BIN3: variants seen among roughly 807,000 people sequenced by gnomAD.
BIN3 encodes bridging integrator 3.
In BIN3, 41 loss-of-function variants were observed where a neutral mutation model predicts 38.2. The observed-to-expected ratio is 1.07, with a 90% CI of 0.84 to 1.39. The LOEUF (loss-of-function observed/expected upper bound fraction) is 1.39. Among genes scored for constraint, BIN3 ranks in the 40% most tolerant of loss-of-function variants. BIN3 has a pLI of 0.00. For missense variants in BIN3, 361 were observed against 324.3 expected (o/e 1.11, Z -0.87); for synonymous variants, 145 against 122.6 (o/e 1.18, Z -1.21).
In BIN3 at chr8:22,664,868, G is replaced by T. The variant is rs576224032; in HGVS notation, c.8+4176C>A. On this transcript the variant is annotated intron_variant, in intron 1 of 8. Transcript: ENST00000276416. Reference sequence around the variant, plus strand: ...TGTGAGACAGCAACGGTAATCATAGGGGAAAGGACTTCACTGAGAAAAAAA... The same window carrying T: ...TGTGAGACAGCAACGGTAATCATAGTGGAAAGGACTTCACTGAGAAAAAAA... 1.6e-4 allele frequency among the ~76,000 whole-genome samples: 25 copies of T among 152,296 alleles called. No individual in the cohort carries two copies. In the South Asian group the frequency reaches 4.8e-3, roughly 29 times the overall value.
chr8:22,659,572 T>C (rs1213744061), intron 1 of BIN3, among the ~76,000 whole-genome samples: 3 of 152,214 alleles, frequency 2.0e-5, no homozygotes, highest in African/African-American at 4.8e-5. Context: ...ATTGAGCATC[T>C]ACTATTGCCA....
At chr8:22,622,475 C>G (rs11136093) in intron 8 of BIN3, 39,123 of 152,412 alleles carry the variant, frequency 0.26, 5,629 homozygotes, top group South Asian at 0.36. Context: ...TCTGGGCTGG[C>G]GGCGGCCCAC....
intron 5 of BIN3, among the ~76,000 whole-genome samples, 172 bp downstream of exon 5, chr8:22,630,270 G>C (rs1427435110): frequency 6.6e-6 from 1 of 152,208 alleles, no homozygotes; most frequent in Non-Finnish European, 1.5e-5. Context: ...AGCCAAGGCA[G>C]AACAGTCTGG....
chr8:22,649,736 T>A (rs1343067003), intron 1 of BIN3, among the ~76,000 whole-genome samples: 1 of 151,282 alleles, frequency 6.6e-6, no homozygotes, highest in Non-Finnish European at 1.5e-5. Flanking sequence ...AAAAACACCC[T>A]TGTTTTTTTC....
rs577791962 is a variant in BIN3 at position 22,629,532 on chromosome 8, C to T, written c.338+432G>A. On this transcript the variant is annotated intron_variant, in intron 6 of 8. Coordinates refer to ENST00000276416, the MANE Select transcript of BIN3 (RefSeq NM_018688.6). ...CCCTCCCTGTGTGCGGCCACCCCCA[C>T]GTTTCCAGAGCCGAGTGCTGCAGGC... Among the ~76,000 whole-genome samples the T allele has an allele frequency of 6.6e-5, 10 of 152,354 alleles. No homozygotes were observed. The East Asian group carries it at 7.7e-4, about 12-fold the overall frequency.
intron 4 of BIN3, among the ~76,000 whole-genome samples, chr8:22,631,890 A>G (rs1302531808): frequency 6.6e-6 from 1 of 152,210 alleles, no homozygotes. Flanking sequence ...TCAGGCCTCC[A>G]TTATTTCTAG....
At chr8:22,624,181 G>A in intron 7 of BIN3, 41 bp downstream of exon 7, 3 of 1,600,180 alleles carry the variant, frequency 1.9e-6, no homozygotes, top group East Asian at 2.2e-5. Flanking sequence ...GACCACGATG[G>A]CCCACCTGTC....
At chr8:22,639,414 T>C (rs1011441541) in intron 2 of BIN3, among the ~76,000 whole-genome samples, 13 of 152,152 alleles carry the variant, frequency 8.5e-5, no homozygotes, top group African/African-American at 2.9e-4. Flanking sequence ...TAAATTTTAG[T>C]GGAGACGGGA....
In BIN3 at chr8:22,633,808, G is replaced by A. The variant is rs139609460; in HGVS notation, c.160+2717C>T. The stretch of plus-strand genomic sequence containing the variant: ...CAGCGGCCCACGGCACAGCAAGCCC[G>A]CCTACAACACTGATGCCCCGTACAT... On this transcript the variant is annotated intron_variant, in intron 4 of 8. Transcript: ENST00000276416. Among the ~76,000 whole-genome samples the A allele has an allele frequency of 4.8e-3, 732 of 152,246 alleles. 10 individuals carry two copies. Among genetic ancestry groups the A allele is most frequent in the African/African-American group, 0.016 (681 of 41,542 alleles).
At chr8:22,637,726 A>C (rs996186115) in intron 2 of BIN3, among the ~76,000 whole-genome samples, 1 of 152,186 alleles carries the variant, frequency 6.6e-6, no homozygotes, top group Non-Finnish European at 1.5e-5. Flanking sequence ...ATGGGCATGC[A>C]ATGGGAAGTA....
At chr8:22,663,921 G>A (rs1489933837) in intron 1 of BIN3, among the ~76,000 whole-genome samples, 1 of 152,204 alleles carries the variant, frequency 6.6e-6, no homozygotes, top group African/African-American at 2.4e-5. Flanking sequence ...GTGATCGGCT[G>A]TCCTTTTGAA....
chr8:22,624,266 C>T lies in BIN3; in HGVS notation c.436G>A (p.Glu146Lys), dbSNP rs1489318660. ...ACTGGCCCCGTCTTCTCCTTTTCCTCATACTTCTCCACCTTGGCCTGCAGC... is the reference window on the plus strand; with the variant it reads ...ACTGGCCCCGTCTTCTCCTTTTCCTTATACTTCTCCACCTTGGCCTGCAGC... ...RRLQAKVEKY[E>K]EKEKTGPVLA... The change falls in exon 7 of 9, where the codon GAG (glutamate) becomes AAG (lysine). Residue 146 changes from glutamate to lysine, a missense_variant. Physicochemically the swap from Glu to Lys is moderately conservative, Grantham distance 56. Coordinates refer to ENST00000276416, the MANE Select transcript of BIN3 (RefSeq NM_018688.6). The T allele has an allele frequency of 1.2e-6, 2 of 1,613,864 alleles. No individual in the cohort carries two copies. The highest frequency in any genetic ancestry group is 2.7e-5 in the African/African-American group (2 of 74,934).
At chr8:22,658,101 T>C (rs1395005878) in intron 1 of BIN3, among the ~76,000 whole-genome samples, 4 of 152,178 alleles carry the variant, frequency 2.6e-5, no homozygotes, top group African/African-American at 9.7e-5. Flanking sequence ...ATTAAGAGGG[T>C]TCTGCGCTCT....
chr8:22,637,724 G>A (rs1019001713), intron 2 of BIN3, among the ~76,000 whole-genome samples: 1 of 152,226 alleles, frequency 6.6e-6, no homozygotes, highest in Non-Finnish European at 1.5e-5. Flanking sequence ...TTATGGGCAT[G>A]CAATGGGAAG....
chr8:22,637,824 G>A (rs1265777047), intron 2 of BIN3, among the ~76,000 whole-genome samples: 2 of 152,124 alleles, frequency 1.3e-5, no homozygotes, highest in Non-Finnish European at 2.9e-5. Flanking sequence ...TTCGGGCTTC[G>A]TGCTCTGAGA....
intron 1 of BIN3, among the ~76,000 whole-genome samples, chr8:22,668,706 A>G (rs1027122257): frequency 2.6e-5 from 4 of 152,214 alleles, no homozygotes; most frequent in Non-Finnish European, 5.9e-5. Flanking sequence ...CAGGAGAGAA[A>G]GACGACACTG....
In BIN3 at chr8:22,630,702, C is replaced by T. The variant is rs543781590; in HGVS notation, c.161-124G>A. 11 of 1,119,832 alleles carry T rather than the reference C, an allele frequency of 9.8e-6. No homozygotes were observed. The East Asian group carries it at 1.6e-4, about 16-fold the overall frequency. 69.4% of individuals were successfully genotyped at this position (1,119,832 alleles called of 1,614,324 possible). ...GAAGACCTCTTCCCACAGCCACGGC[C>T]GTCAAGAACGGCGAAGTACCACACA... On this transcript the variant is annotated intron_variant, in intron 4 of 8. Coordinates refer to ENST00000276416, the MANE Select transcript of BIN3 (RefSeq NM_018688.6).
chr8:22,664,608 G>A (rs1426388492), intron 1 of BIN3, among the ~76,000 whole-genome samples: 1 of 152,234 alleles, frequency 6.6e-6, no homozygotes, highest in East Asian at 1.9e-4. Context: ...TTAGCAAAGT[G>A]AAACTCCGTG....
At chr8:22,651,084 C>T (rs1169628213) in intron 1 of BIN3, among the ~76,000 whole-genome samples, 2 of 152,180 alleles carry the variant, frequency 1.3e-5, no homozygotes, top group Non-Finnish European at 2.9e-5. Context: ...TATGCCACTC[C>T]CAAATTCCTG....
Sources: gnomAD v4.1 joint callset for allele counts (sites outside exome capture counted in the v4.1 genomes callset) on GRCh38, gnomAD v4.1.1 for gene constraint, MANE v1.5 for transcripts, NCBI Gene and HGNC (gene_info 2026-07-23, HGNC 2026-07-21) for gene names.